LINGO2: variants seen among roughly 807,000 people sequenced by gnomAD.
LINGO2 encodes leucine-rich repeat and immunoglobulin-like domain-containing nogo receptor-interacting protein 2.
LINGO2 carries 14 observed loss-of-function variants against 30.6 expected under a neutral mutation model. The observed-to-expected ratio is 0.46, with a 90% confidence interval of 0.30 to 0.72. The LOEUF (loss-of-function observed/expected upper bound fraction) is 0.72, where lower values mean the gene tolerates loss of function less well. LINGO2 is among the 30% of genes least tolerant of loss of function. The pLI, the probability that LINGO2 is intolerant of heterozygous loss-of-function variation, is 0.07. For missense variants in LINGO2, 729 were observed against 751.7 expected, an observed-to-expected ratio of 0.97 and a Z score of 0.35; for synonymous variants, 317 against 288.5, an observed-to-expected ratio of 1.10 and a Z score of -1.00.
chr9:28,049,582 T>A (rs922706655), intron 4 of LINGO2, among the ~76,000 whole-genome samples: 8 of 150,704 alleles, frequency 5.3e-5, no homozygotes, highest in Non-Finnish European at 7.4e-5. Flanking sequence ...TGTTTAAGTC[T>A]AGATTTTACC....
intron 4 of LINGO2, among the ~76,000 whole-genome samples, chr9:28,278,186 C>G (rs1823196651): frequency 6.6e-6 from 1 of 152,186 alleles, no homozygotes; most frequent in Non-Finnish European, 1.5e-5. Flanking sequence ...AAGTTGAACA[C>G]TAGCAGAGGC....
At chr9:28,219,644 T>C (rs1195725992) in intron 4 of LINGO2, among the ~76,000 whole-genome samples, 3 of 152,178 alleles carry the variant, frequency 2.0e-5, no homozygotes, top group Non-Finnish European at 4.4e-5. Flanking sequence ...TCATGAAACA[T>C]AGTCTAGATA....
rs139825996 is a variant in LINGO2 at position 28,422,040 on chromosome 9, C to G, written c.-278-49172G>C. Among the ~76,000 whole-genome samples the G allele has an allele frequency of 2.7e-3, 408 of 152,046 alleles. 1 individual carries two copies. Among genetic ancestry groups the G allele is most frequent in the African/African-American group, 7.7e-3 (319 of 41,486 alleles). ...TGGATCAAAGACCTAAACATAAGAG[C>G]TGAAACTATAAAACTCTTTGAAGAA... On this transcript the variant is annotated intron_variant, in intron 2 of 5. Transcript: ENST00000379992.
intron 5 of LINGO2, among the ~76,000 whole-genome samples, chr9:27,978,504 C>A (rs1820710084): frequency 6.6e-6 from 1 of 151,978 alleles, no homozygotes; most frequent in South Asian, 2.1e-4. Flanking sequence ...ACCCCAGAAA[C>A]CTCCCTCACC....
At chr9:29,035,011 T>C in the LINGO2 span, among the ~76,000 whole-genome samples, 3 of 152,190 alleles carry the variant, frequency 2.0e-5, no homozygotes, top group African/African-American at 7.2e-5. Context: ...ATTATTGCTA[T>C]ATTTATTTTT....
At chr9:27,958,166 C>T (rs1455374063) in intron 5 of LINGO2, among the ~76,000 whole-genome samples, 3 of 151,986 alleles carry the variant, frequency 2.0e-5, no homozygotes, top group African/African-American at 4.8e-5. Flanking sequence ...CAAGTGAGTA[C>T]GGAATGAAAA....
intron 4 of LINGO2, among the ~76,000 whole-genome samples, chr9:28,194,825 G>A (rs1442230040): frequency 6.6e-6 from 1 of 151,798 alleles, no homozygotes. Context: ...CAACAGACAA[G>A]AAAAAGACTT....
the LINGO2 span, among the ~76,000 whole-genome samples, chr9:29,184,454 A>C: frequency 6.6e-6 from 1 of 152,112 alleles, no homozygotes; most frequent in African/African-American, 2.4e-5. Flanking sequence ...ATAGGGGGGA[A>C]GAAGTAGAGG....
At chr9:28,439,401 C>T (rs968565739) in intron 2 of LINGO2, among the ~76,000 whole-genome samples, 2 of 151,952 alleles carry the variant, frequency 1.3e-5, no homozygotes, top group African/African-American at 4.8e-5. Flanking sequence ...TGACTCTGTT[C>T]CCCTGCACAC....
chr9:28,037,788 C>T lies in LINGO2; in HGVS notation c.-86-25383G>A, dbSNP rs116674755. 5.4e-3 allele frequency among the ~76,000 whole-genome samples: 819 copies of T among 152,264 alleles called. 8 individuals carry two copies. Among genetic ancestry groups the T allele is most frequent in the African/African-American group, 0.018 (736 of 41,536 alleles). On this transcript the variant is annotated intron_variant, in intron 4 of 5. Coordinates refer to ENST00000379992, the Ensembl canonical transcript of LINGO2. ...CAAATGTGGTTGCCTTTAGTTCTAG[C>T]AAATTTTCATGCAGTATCTGTAAGA... is the stretch of plus-strand genomic sequence containing the variant.
chr9:27,994,327 A>G (rs551580936), intron 5 of LINGO2, among the ~76,000 whole-genome samples: 5 of 152,316 alleles, frequency 3.3e-5, no homozygotes, highest in Admixed American at 6.5e-5. Flanking sequence ...TTGAAACTAA[A>G]AAAAAGGAAA....
At chr9:28,495,649 T>A (rs528666105) in intron 1 of LINGO2, among the ~76,000 whole-genome samples, 1 of 152,142 alleles carries the variant, frequency 6.6e-6, no homozygotes, top group Non-Finnish European at 1.5e-5. Flanking sequence ...GTCAGGTGTC[T>A]CTATTTCCTT....
intron 4 of LINGO2, among the ~76,000 whole-genome samples, chr9:28,018,000 A>C (rs562635847): frequency 1.3e-5 from 2 of 152,274 alleles, no homozygotes; most frequent in African/African-American, 4.8e-5. Context: ...GTATTGGAAC[A>C]GAAACAGACC....
At chr9:28,095,274 G>A (rs561302302) in intron 4 of LINGO2, among the ~76,000 whole-genome samples, 2 of 152,152 alleles carry the variant, frequency 1.3e-5, no homozygotes, top group African/African-American at 4.8e-5. Context: ...GTAGGCACAG[G>A]GACAGTTCGC....
chr9:28,920,567 T>C, the LINGO2 span, among the ~76,000 whole-genome samples: 2 of 152,168 alleles, frequency 1.3e-5, no homozygotes, highest in Non-Finnish European at 2.9e-5. Flanking sequence ...CAAATGTACA[T>C]ATCTACAAAA....
chr9:28,049,571 A>G lies in LINGO2; in HGVS notation c.-86-37166T>C, dbSNP rs190345177. ...ATGGAAGGGCAAGGGCTTCAGGTTC[A>G]TGTTTAAGTCTAGATTTTACCGCTT... On this transcript the variant is annotated intron_variant, in intron 4 of 5. Coordinates refer to ENST00000379992, the Ensembl canonical transcript of LINGO2. Among the ~76,000 whole-genome samples the G allele has an allele frequency of 5.3e-5, 8 of 150,784 alleles. 1 individual carries two copies. The East Asian group carries it at 1.6e-3, about 30-fold the overall frequency.
At chr9:28,215,501 T>A (rs972919273) in intron 4 of LINGO2, among the ~76,000 whole-genome samples, 1 of 151,842 alleles carries the variant, frequency 6.6e-6, no homozygotes, top group Non-Finnish European at 1.5e-5. Flanking sequence ...AAAAAAAGCA[T>A]TCATTGTGGT....
the LINGO2 span, among the ~76,000 whole-genome samples, chr9:28,967,716 G>C: frequency 5.0e-4 from 76 of 152,274 alleles, no homozygotes; most frequent in South Asian, 8.3e-4. Flanking sequence ...ACATAGTCTT[G>C]TCAGACAAGG....
At chr9:28,882,369 C>T in the LINGO2 span, among the ~76,000 whole-genome samples, 1 of 152,136 alleles carries the variant, frequency 6.6e-6, no homozygotes, top group Admixed American at 6.6e-5. Context: ...AGTTTGAACT[C>T]CAGCTCTGCC....
Sources: gnomAD v4.1 joint callset for allele counts (sites outside exome capture counted in the v4.1 genomes callset) on GRCh38, gnomAD v4.1.1 for gene constraint, MANE v1.5 for transcripts, NCBI Gene and HGNC (gene_info 2026-07-23, HGNC 2026-07-21) for gene names.